The following CDC42BPA variants were observed in gnomAD, a reference collection of about 807,000 sequenced individuals.
CDC42BPA encodes the protein serine/threonine-protein kinase MRCK alpha.
In CDC42BPA, 80 loss-of-function variants were observed where a neutral mutation model predicts 223.5. The observed-to-expected ratio is 0.36, with a 90% CI of 0.30 to 0.43. The LOEUF is 0.43. Among genes scored for constraint, CDC42BPA ranks in the 20% least tolerant of loss-of-function variants. The pLI, the probability that CDC42BPA is intolerant of heterozygous loss-of-function variation, is 1.00. For missense variants in CDC42BPA, 1,743 were observed against 2,099.9 expected, an observed-to-expected ratio of 0.83 and a Z score of 3.32; for synonymous variants, 694 against 718.6, an observed-to-expected ratio of 0.97 and a Z score of 0.55.
rs73102922 is a variant in CDC42BPA, at chr1:227,137,355, G to A, written c.1390+2221C>T. Among the ~76,000 whole-genome samples, 1,394 of 152,116 alleles carry A rather than the reference G, an allele frequency of 9.2e-3. 24 individuals are homozygous for A. Among genetic ancestry groups the A allele is most frequent in the African/African-American group, 0.032 (1,331 of 41,540 alleles). On this transcript the variant is annotated intron_variant, in intron 10 of 36. Coordinates refer to ENST00000366766, the MANE Select transcript of CDC42BPA (RefSeq NM_001394014.1). ...ACCAGAATGGCTACAAGTGAAAAAC[G>A]CGGACGATAAGTTCTGGTGAGGAGT...
chr1:227,179,635 CAAAAAAAAAAAA>C (rs59744442), intron 5 of CDC42BPA, among the ~76,000 whole-genome samples: 5 of 34,244 alleles, frequency 1.5e-4, no homozygotes, highest in South Asian at 2.0e-3. Flanking sequence ...GCCTCCATCT[CAAAAAAAAAAAA>C]AAAAAAAAAA....
At chr1:227,313,616 C>T (rs187648103) in intron 1 of CDC42BPA, among the ~76,000 whole-genome samples, 1 of 147,232 alleles carries the variant, frequency 6.8e-6, no homozygotes, top group Admixed American at 6.9e-5. Context: ...ATTAAGTGAA[C>T]ATTTTGATAA....
At chr1:227,243,121 A>G (rs914165630) in intron 2 of CDC42BPA, among the ~76,000 whole-genome samples, 9 of 152,212 alleles carry the variant, frequency 5.9e-5, no homozygotes, top group African/African-American at 1.7e-4. Flanking sequence ...GAGCTAAATG[A>G]TGAGTACACA....
chr1:227,005,216 A>C (rs996989050), intron 34 of CDC42BPA, 105 bp from the exon 35 acceptor site: 3 of 781,818 alleles, frequency 3.8e-6, no homozygotes, highest in Non-Finnish European at 6.6e-6. Context: ...AATCATCTTG[A>C]CCAGAATGAC....
At chr1:227,062,738 A>C (rs1337379449) in intron 21 of CDC42BPA, among the ~76,000 whole-genome samples, 1 of 152,100 alleles carries the variant, frequency 6.6e-6, no homozygotes, top group Non-Finnish European at 1.5e-5. Flanking sequence ...TAAAATAAGT[A>C]CTTTGAGGTC....
intron 2 of CDC42BPA, among the ~76,000 whole-genome samples, chr1:227,213,474 C>G (rs1373033230): frequency 1.3e-5 from 2 of 152,092 alleles, no homozygotes; most frequent in Non-Finnish European, 2.9e-5. Context: ...TATTTTTGAA[C>G]ACTGTATTAG....
intron 12 of CDC42BPA, among the ~76,000 whole-genome samples, chr1:227,114,455 G>GAA (rs34688481): frequency 5.8e-4 from 78 of 133,568 alleles, no homozygotes; most frequent in East Asian, 3.6e-3. Flanking sequence ...TTTATTTCAG[G>GAA]AAAAAAAAAA....
At chr1:227,011,756 G>T (rs1192551990) in intron 34 of CDC42BPA, among the ~76,000 whole-genome samples, 1 of 152,080 alleles carries the variant, frequency 6.6e-6, no homozygotes, top group African/African-American at 2.4e-5. Flanking sequence ...TGAATCCAAG[G>T]ACTATTTTTA....
At chr1:227,001,384 C>G (rs1041602382) in intron 35 of CDC42BPA, among the ~76,000 whole-genome samples, 2 of 152,162 alleles carry the variant, frequency 1.3e-5, no homozygotes, top group African/African-American at 2.4e-5. Flanking sequence ...TCAATGAATG[C>G]GTTAAGGGCC....
intron 10 of CDC42BPA, among the ~76,000 whole-genome samples, chr1:227,129,702 C>CATATATATATATAT (rs1196658904): frequency 9.0e-4 from 64 of 70,940 alleles, no homozygotes; most frequent in African/African-American, 2.6e-3. Flanking sequence ...AAATCCACTG[C>CATATATATATATAT]ATATATATAT....
Position 227,072,207 on chromosome 1 carries a change from C to T in CDC42BPA, c.2827+1G>A. On this transcript the variant is annotated splice_donor_variant, in intron 20 of 36. Coordinates refer to ENST00000366766, the MANE Select transcript of CDC42BPA (RefSeq NM_001394014.1). LOFTEE classifies it high-confidence loss of function. ...AGTGAGGCAAACACACACTCCCATA[C>T]CCTTTTCAGATCTAAGCTCTTCAGT... The T allele has an allele frequency of 2.5e-6, 4 of 1,571,428 alleles. No individual in the cohort carries two copies. Among genetic ancestry groups the T allele is most frequent in the Non-Finnish European group, 3.5e-6 (4 of 1,144,172 alleles).
intron 11 of CDC42BPA, among the ~76,000 whole-genome samples, chr1:227,122,840 C>A (rs996228796): frequency 6.6e-6 from 1 of 152,100 alleles, no homozygotes; most frequent in East Asian, 1.9e-4. Context: ...GAACTTTGGT[C>A]AAATACTATA....
At chr1:227,093,641 C>T (rs1214346573) in intron 15 of CDC42BPA, among the ~76,000 whole-genome samples, 1 of 152,182 alleles carries the variant, frequency 6.6e-6, no homozygotes, top group African/African-American at 2.4e-5. Flanking sequence ...GTTATTTCTG[C>T]AAACCAGTGA....
chr1:227,187,875 G>GA (rs986647973), intron 5 of CDC42BPA, among the ~76,000 whole-genome samples: 3 of 148,880 alleles, frequency 2.0e-5, no homozygotes, highest in Non-Finnish European at 3.0e-5. Flanking sequence ...ATATTTAAAA[G>GA]AAAAAAAAAG....
chr1:227,046,917 T>C (rs7537520), intron 23 of CDC42BPA, among the ~76,000 whole-genome samples: 43,088 of 152,032 alleles, frequency 0.28, 6,321 homozygotes, highest in African/African-American at 0.35. Context: ...TAGCATACTG[T>C]TACTATGAAA....
At chr1:227,198,851 T>C (rs2872312) in intron 4 of CDC42BPA, among the ~76,000 whole-genome samples, 103,565 of 151,588 alleles carry the variant, frequency 0.68, 35,602 homozygotes, top group South Asian at 0.74. Context: ...AGGTTCAGGC[T>C]ATTCTCCTGC....
Position 227,254,050 on chromosome 1 carries a change from T to C in CDC42BPA, c.270+14A>G. 6.9e-7 allele frequency: 1 copy of C among 1,444,804 alleles called. No homozygotes were observed. Among genetic ancestry groups the C allele is most frequent in the Non-Finnish European group, 9.7e-7 (1 of 1,032,440 alleles). 89.5% of individuals were successfully genotyped at this position (1,444,804 alleles called of 1,614,324 possible). A position where few individuals can be genotyped will look rare whatever the true frequency, so the allele number is the denominator to read the frequency against. ...AATAATTAGCAGACCTTCTATCAAA[T>C]CTTAATCTCTTACCTCCCCAAAAGC... On this transcript the variant is annotated intron_variant, in intron 2 of 36. Transcript: ENST00000366766.
chr1:227,020,157 A>C (rs917865994), intron 32 of CDC42BPA, among the ~76,000 whole-genome samples: 28 of 152,164 alleles, frequency 1.8e-4, no homozygotes, highest in Non-Finnish European at 3.8e-4. Context: ...CAGCCTCCCA[A>C]AGTGCTGGGA....
intron 1 of CDC42BPA, among the ~76,000 whole-genome samples, chr1:227,308,523 A>C (rs1572998080): frequency 6.6e-6 from 1 of 151,500 alleles, no homozygotes; most frequent in Non-Finnish European, 1.5e-5. Flanking sequence ...AAAAAAAAAA[A>C]AAAAACAGAA....
Sources: gnomAD v4.1 joint callset for allele counts (sites outside exome capture counted in the v4.1 genomes callset) on GRCh38, gnomAD v4.1.1 for gene constraint, MANE v1.5 for transcripts, NCBI Gene and HGNC (gene_info 2026-07-23, HGNC 2026-07-21) for gene names.